RALYL: variants seen among roughly 807,000 people sequenced by gnomAD.
RALYL encodes RNA-binding Raly-like protein.
RALYL carries 29 observed loss-of-function variants against 35.1 expected under a neutral mutation model. The ratio of observed to expected loss-of-function variants is 0.83; its 90% confidence interval spans 0.61 to 1.13. The LOEUF (loss-of-function observed/expected upper bound fraction) is 1.13, where lower values mean the gene tolerates loss of function less well. Among genes scored for constraint, RALYL ranks in the 50% most tolerant of loss-of-function variants. RALYL has a pLI of 0.00. For missense variants in RALYL, 359 were observed against 360.4 expected (o/e 1.00, Z 0.03); for synonymous variants, 120 against 127.6 (o/e 0.94, Z 0.40).
chr8:84,298,328 A>G (rs1180347006), intron 1 of RALYL, among the ~76,000 whole-genome samples: 2 of 152,058 alleles, frequency 1.3e-5, no homozygotes, highest in African/African-American at 4.8e-5. Context: ...GACTTTGTTG[A>G]TGATCAGATG....
intron 4 of RALYL, among the ~76,000 whole-genome samples, chr8:84,810,014 T>C (rs938300070): frequency 6.6e-6 from 1 of 152,132 alleles, no homozygotes; most frequent in African/African-American, 2.4e-5. Flanking sequence ...TTATTTCCTT[T>C]CTTTTACTGG....
intron 2 of RALYL, among the ~76,000 whole-genome samples, chr8:84,538,732 C>A (rs2059790772): frequency 1.3e-5 from 2 of 151,892 alleles, no homozygotes; most frequent in Non-Finnish European, 2.9e-5. Flanking sequence ...AGATCAAATA[C>A]CATAAAAGGA....
intron 2 of RALYL, among the ~76,000 whole-genome samples, chr8:84,773,824 C>A (rs914664482): frequency 6.6e-6 from 1 of 152,146 alleles, no homozygotes; most frequent in Non-Finnish European, 1.5e-5. Flanking sequence ...AATAAGTCCT[C>A]CTATGAACAG....
In RALYL at chr8:84,413,414, G is replaced by GA. The variant is rs200084963; in HGVS notation, c.-23-115875dup. On this transcript the variant is annotated intron_variant, in intron 1 of 8. Transcript: ENST00000521268. ...TATACATTGTATGTTTACTGATGGA[G>GA]AAAAAAAAAATCCCTCTTGTTATTA... Among the ~76,000 whole-genome samples, 425 of 148,250 alleles carry GA rather than the reference G, an allele frequency of 2.9e-3. 5 individuals carry two copies. Among genetic ancestry groups the GA allele is most frequent in the African/African-American group, 8.5e-3 (346 of 40,760 alleles).
rs376828814 is a variant in RALYL, at chr8:84,887,597, C to G, written c.686-7C>G. ...GGTAGTAGTCATTTGCTTTCTCCCC[C>G]CCCCAGAAGCTCAGAAGAAGCAATT... On this transcript the variant is annotated splice_polypyrimidine_tract_variant and splice_region_variant and intron_variant, in intron 7 of 8. Coordinates refer to ENST00000521268, the MANE Select transcript of RALYL (RefSeq NM_173848.7). 86 of 1,599,724 alleles carry G rather than the reference C, an allele frequency of 5.4e-5. No homozygotes were observed. Among genetic ancestry groups the G allele is most frequent in the Middle Eastern group, 3.4e-4 (2 of 5,912 alleles).
intron 1 of RALYL, among the ~76,000 whole-genome samples, chr8:84,191,375 A>T (rs1211950378): frequency 6.6e-6 from 1 of 152,202 alleles, no homozygotes; most frequent in Non-Finnish European, 1.5e-5. Context: ...ATAAAGCTTT[A>T]AAAATAAATA....
chr8:84,272,402 A>G (rs1468277581), intron 1 of RALYL, among the ~76,000 whole-genome samples: 1 of 152,260 alleles, frequency 6.6e-6, no homozygotes, highest in South Asian at 2.1e-4. Flanking sequence ...CCAAGTGTGT[A>G]CATGTTTAAT....
At chr8:84,797,266 C>T (rs1361876587) in intron 3 of RALYL, among the ~76,000 whole-genome samples, 5 of 152,204 alleles carry the variant, frequency 3.3e-5, no homozygotes, top group Non-Finnish European at 7.3e-5. Context: ...TCCTCATGGC[C>T]TAATCATCTC....
chr8:84,188,240 G>A lies in RALYL; in HGVS notation c.-24+3816G>A, dbSNP rs189267148. On this transcript the variant is annotated intron_variant, in intron 1 of 8. Coordinates refer to ENST00000521268, the MANE Select transcript of RALYL (RefSeq NM_173848.7). ...CTTTATTTTTAAATGATGATTAGCT[G>A]AGACTTTAAAAATAGTTATTTCTTT... Among the ~76,000 whole-genome samples the A allele has an allele frequency of 4.9e-4, 74 of 152,068 alleles. 1 individual carries two copies. The highest frequency in any genetic ancestry group is 5.9e-5 in the Non-Finnish European group (4 of 67,888).
At chr8:84,667,026 A>G (rs1413587946) in intron 2 of RALYL, among the ~76,000 whole-genome samples, 1 of 152,138 alleles carries the variant, frequency 6.6e-6, no homozygotes, top group Non-Finnish European at 1.5e-5. Context: ...ATTTAAGTTA[A>G]GTAAAAGTGT....
chr8:84,579,451 T>G (rs1564180300), intron 2 of RALYL, among the ~76,000 whole-genome samples: 1 of 152,132 alleles, frequency 6.6e-6, no homozygotes, highest in Non-Finnish European at 1.5e-5. Flanking sequence ...AATGACTTGG[T>G]AGGGGGCAGA....
At position 84,896,163 on chromosome 8, in the gene RALYL, G is replaced by A. The variant is rs142381503; in HGVS notation, c.858+8387G>A. 3.9e-5 allele frequency among the ~76,000 whole-genome samples: 6 copies of A among 152,268 alleles called. No homozygotes were observed. In the East Asian group the frequency reaches 1.2e-3, roughly 29 times the overall value. On this transcript the variant is annotated intron_variant, in intron 8 of 8. Coordinates refer to ENST00000521268, the MANE Select transcript of RALYL (RefSeq NM_173848.7). The stretch of plus-strand genomic sequence containing the variant: ...CCAGTATGACTCTCTCACACTCAGA[G>A]GTGCAGGACCCACAAGGTGCACTTG...
chr8:84,611,712 T>C (rs542024185), intron 2 of RALYL, among the ~76,000 whole-genome samples: 2 of 152,290 alleles, frequency 1.3e-5, no homozygotes, highest in African/African-American at 4.8e-5. Flanking sequence ...TCGTACATCA[T>C]ATAAGTATTT....
intron 2 of RALYL, among the ~76,000 whole-genome samples, chr8:84,754,576 T>G (rs1190593915): frequency 6.6e-6 from 1 of 152,156 alleles, no homozygotes; most frequent in Non-Finnish European, 1.5e-5. Flanking sequence ...TCCTCATACT[T>G]GAAGAGTGTT....
intron 2 of RALYL, among the ~76,000 whole-genome samples, chr8:84,744,393 A>G (rs1808116141): frequency 6.6e-6 from 1 of 151,998 alleles, no homozygotes; most frequent in East Asian, 1.9e-4. Context: ...AAAATGCTGC[A>G]GGATTGAGCT....
chr8:84,186,661 C>T (rs534217114), intron 1 of RALYL, among the ~76,000 whole-genome samples: 411 of 152,236 alleles, frequency 2.7e-3, no homozygotes, highest in Non-Finnish European at 4.6e-3. Flanking sequence ...GGACCAAAGA[C>T]GATTTTAATG....
intron 2 of RALYL, among the ~76,000 whole-genome samples, chr8:84,595,221 T>C (rs1814212929): frequency 6.6e-6 from 1 of 152,126 alleles, no homozygotes; most frequent in Admixed American, 6.5e-5. Context: ...CATCTCCAAA[T>C]ACATTGCTGT....
At chr8:84,812,572 C>T (rs1057501888) in intron 4 of RALYL, among the ~76,000 whole-genome samples, 12 of 152,080 alleles carry the variant, frequency 7.9e-5, no homozygotes, top group Non-Finnish European at 4.4e-5. Flanking sequence ...TAGGCATGTC[C>T]GAGCTCAGGC....
intron 3 of RALYL, among the ~76,000 whole-genome samples, chr8:84,781,046 A>C (rs1305698015): frequency 6.6e-6 from 1 of 151,994 alleles, no homozygotes; most frequent in East Asian, 1.9e-4. Context: ...TATTTTTAGT[A>C]GAGACAGGAT....
Sources: gnomAD v4.1 joint callset for allele counts (sites outside exome capture counted in the v4.1 genomes callset) on GRCh38, gnomAD v4.1.1 for gene constraint, MANE v1.5 for transcripts, NCBI Gene and HGNC (gene_info 2026-07-23, HGNC 2026-07-21) for gene names.